Variants in TBKBP1 observed in about 807,000 individuals in gnomAD.
TBKBP1 encodes TBK1 binding protein 1.
Under a neutral mutation model 69.9 loss-of-function variants are expected in TBKBP1, and 47 were observed. The observed-to-expected ratio is 0.67, with a 90% CI of 0.53 to 0.86. TBKBP1 has a LOEUF of 0.86. TBKBP1 is among the 40% of genes least tolerant of loss of function. The pLI is 0.00. For synonymous variants in TBKBP1, 418 were observed against 390.3 expected (o/e 1.07, Z -0.84); for missense variants, 831 against 858.6 (o/e 0.97, Z 0.40).
rs756352574 is a variant in TBKBP1 at position 47,696,103 on chromosome 17, G to C, written c.-10G>C. On this transcript the variant is annotated 5_prime_UTR_variant, in exon 2 of 10. Transcript: ENST00000578982. Reference sequence around the variant, plus strand: ...GGAGGCCCCGTGTGGGCCGCGGCCCGGCCCTCACCATGGAGTCCATGTTCG... The same window carrying C: ...GGAGGCCCCGTGTGGGCCGCGGCCCCGCCCTCACCATGGAGTCCATGTTCG... 2 of 1,603,016 alleles carry C rather than the reference G, an allele frequency of 1.2e-6. No individual in the cohort carries two copies. Among genetic ancestry groups the C allele is most frequent in the Non-Finnish European group, 1.7e-6 (2 of 1,175,274 alleles).
At chr17:47,697,255 GCA>G in intron 4 of TBKBP1, 62 bp downstream of exon 4, 2 of 1,429,096 alleles carry the variant, frequency 1.4e-6, no homozygotes, top group South Asian at 2.4e-5. Context: ...GTGCATGTGT[GCA>G]TTTAGTTCTG....
chr17:47,702,176 C>T (rs757805084), intron 7 of TBKBP1, among the ~76,000 whole-genome samples: 1 of 152,210 alleles, frequency 6.6e-6, no homozygotes, highest in African/African-American at 2.4e-5. Flanking sequence ...AAGCCTCAGT[C>T]ACTTGCTTTC....
At chr17:47,697,030 C>T in intron 3 of TBKBP1, 59 bp from the exon 4 acceptor site, 1 of 1,553,874 alleles carries the variant, frequency 6.4e-7, no homozygotes. Flanking sequence ...AGGGAGCTCT[C>T]CAACTCCAAG....
intron 5 of TBKBP1, 27 bp downstream of exon 5, chr17:47,698,802 C>A (rs760236779): frequency 6.6e-7 from 1 of 1,511,166 alleles, no homozygotes; most frequent in Non-Finnish European, 8.9e-7. Flanking sequence ...CCCGACTTAC[C>A]TCCTAGTCCC....
chr17:47,696,821 G>C lies in TBKBP1; in HGVS notation c.336G>C (p.Gln112His), dbSNP rs761935317. The C allele has an allele frequency of 1.9e-6, 3 of 1,613,736 alleles. No homozygotes were observed. The highest frequency in any genetic ancestry group is 3.3e-5 in the Admixed American group (2 of 59,984). ...TCAGCCTGCAGCAACGGCTCAACCA[G>C]TTCCAGCATGAGGTGAGCCTACCAG... ...EKVSLQQRLN[Q>H]FQHELQKNKE... Residue 112 changes from glutamine to histidine, a missense_variant, in exon 3 of 10, where the codon CAG becomes CAC. Coordinates refer to ENST00000578982, the MANE Select transcript of TBKBP1 (RefSeq NM_001394755.1).
At chr17:47,696,048 G>GC in intron 1 of TBKBP1, 31 bp from the exon 2 acceptor site, 1 of 1,308,662 alleles carries the variant, frequency 7.6e-7, no homozygotes, top group Non-Finnish European at 1.1e-6. Context: ...TAGACAGACG[G>GC]CCCTGTCCAC....
intron 7 of TBKBP1, among the ~76,000 whole-genome samples, chr17:47,703,644 C>T (rs1408765510): frequency 2.6e-5 from 4 of 152,170 alleles, no homozygotes; most frequent in African/African-American, 9.7e-5. Context: ...GCCCATCTTC[C>T]CTCCTTAAAC....
chr17:47,708,503 C>G lies in TBKBP1; in HGVS notation c.982C>G (p.Arg328Gly). ...GAGGACTCTGTTGCAGGAACAGGCCCGGAGTGGCGGTGAGATGGGGCAGGG... is the reference window on the plus strand; with the variant it reads ...GAGGACTCTGTTGCAGGAACAGGCCGGGAGTGGCGGTGAGATGGGGCAGGG... ...ILRTLLQEQA[R>G]SGGQRHSPLS... The change falls in exon 8 of 10, where the codon CGG becomes GGG. Residue 328 changes from arginine (R) to glycine (G), a missense_variant. Coordinates refer to ENST00000578982, the MANE Select transcript of TBKBP1 (RefSeq NM_001394755.1). This position sits in a 1 kb window ranked among gnomAD's most constrained non-coding sequence, Gnocchi z 4.4. 6.2e-7 allele frequency: 1 copy of G among 1,613,744 alleles called. No individual in the cohort carries two copies. The highest frequency in any genetic ancestry group is 8.5e-7 in the Non-Finnish European group (1 of 1,179,786).
Position 47,708,579 on chromosome 17 carries a change from C to A in TBKBP1, c.991+67C>A. On this transcript the variant is annotated intron_variant, in intron 8 of 9. Coordinates refer to ENST00000578982, the MANE Select transcript of TBKBP1 (RefSeq NM_001394755.1). The surrounding 1 kb of genome is among the most constrained non-coding windows in gnomAD (Gnocchi z 4.4). ...GGAAGGAGCGGGTAGCCATGGCAACCATCTTGGTCATGGGGACCACCCTTT... is the reference window on the plus strand; with the variant it reads ...GGAAGGAGCGGGTAGCCATGGCAACAATCTTGGTCATGGGGACCACCCTTT... 1 of 1,558,352 alleles carries A rather than the reference C, an allele frequency of 6.4e-7. No individual in the cohort carries two copies. The highest frequency in any genetic ancestry group is 8.8e-7 in the Non-Finnish European group (1 of 1,137,634).
rs375276695 is a variant in TBKBP1 at position 47,696,783 on chromosome 17, G to A, written c.298G>A (p.Glu100Lys). ...TGAAATCAAGGATGGCTCCCTGCTG[G>A]AGGTGGAGAAGGTCAGCCTGCAGCA... ...LYEIKDGSLL[E>K]VEKVSLQQRL... Residue 100 changes from glutamate (E) to lysine (K), a missense_variant, in exon 3 of 10, where the codon GAG (glutamate) becomes AAG (lysine). Physicochemically the swap from Glu to Lys is moderately conservative, Grantham distance 56. Coordinates refer to ENST00000578982, the MANE Select transcript of TBKBP1 (RefSeq NM_001394755.1). 3.2e-5 allele frequency: 52 copies of A among 1,613,966 alleles called. No individual in the cohort carries two copies. The highest frequency in any genetic ancestry group is 4.3e-5 in the Non-Finnish European group (51 of 1,179,838).
intron 7 of TBKBP1, among the ~76,000 whole-genome samples, chr17:47,700,164 T>C (rs2031437209): frequency 6.6e-6 from 1 of 151,462 alleles, no homozygotes. Flanking sequence ...TTTTTTTTTG[T>C]ATTTTTAGTA....
intron 7 of TBKBP1, among the ~76,000 whole-genome samples, chr17:47,705,072 C>G (rs74331606): frequency 0.019 from 2,939 of 152,308 alleles, 78 homozygotes; most frequent in East Asian, 0.15. Context: ...CTATCACCCC[C>G]AGGGAAGGGG....
chr17:47,710,901 C>T lies in TBKBP1; in HGVS notation c.*275C>T, dbSNP rs1164458498. ...TGGGATGGGGACGGCATACCCCTCC[C>T]AGGCCTCTCCCTCTGCCTTTCTGTT... On this transcript the variant is annotated 3_prime_UTR_variant, in exon 10 of 10. Transcript: ENST00000578982. 2 of 349,152 alleles carry T rather than the reference C, an allele frequency of 5.7e-6. No individual in the cohort carries two copies. The highest frequency in any genetic ancestry group is 8.9e-5 in the Admixed American group (2 of 22,550). 21.6% of individuals were successfully genotyped at this position (349,152 alleles called of 1,614,324 possible). A position where few individuals can be genotyped will look rare whatever the true frequency, so the allele number is the denominator to read the frequency against.
chr17:47,709,421 C>CCGAGCA lies in TBKBP1; in HGVS notation c.1691_1696dup (p.Glu564_His565dup). The CCGAGCA allele has an allele frequency of 6.5e-7, 1 of 1,542,722 alleles. No homozygotes were observed. The highest frequency in any genetic ancestry group is 1.2e-5 in the South Asian group (1 of 84,364). On this transcript the variant is annotated inframe_insertion, in exon 9 of 10. Transcript: ENST00000578982. ...CCCGCCGCCACCGCCTACGCCCACG[C>CCGAGCA]CGAGCACGCGCAGTCCTGGCCGTCC... is the stretch of plus-strand genomic sequence containing the variant.
At chr17:47,710,322 G>A (rs1295635100) in intron 9 of TBKBP1, among the ~76,000 whole-genome samples, 176 bp from the exon 10 acceptor site, 1 of 152,156 alleles carries the variant, frequency 6.6e-6, no homozygotes. Context: ...CTGTCCCTGG[G>A]CAGGGGGGTG....
chr17:47,697,112 A>G lies in TBKBP1; in HGVS notation c.372A>G (p.Glu124=), dbSNP rs1299914978. 6 of 1,612,386 alleles carry G rather than the reference A, an allele frequency of 3.7e-6. No homozygotes were observed. In the African/African-American group the frequency reaches 8.0e-5, roughly 22 times the overall value. ...QHELQKNKEQ[E]EQLGEMIQAY... ...AGTTACAGAAGAACAAGGAGCAGGA[A>G]GAACAGCTTGGAGAGATGATCCAGG... Residue 124 remains glutamate (E), a synonymous_variant, in exon 4 of 10, where the codon GAA becomes GAG. Transcript: ENST00000578982.
Position 47,698,716 on chromosome 17 carries a change from C to T in TBKBP1, c.575C>T (p.Pro192Leu). Residue 192 changes from proline (P) to leucine (L), a missense_variant, in exon 5 of 10, where the codon CCC becomes CTC. By Grantham distance (98) the Pro-to-Leu change is moderately conservative. Coordinates refer to ENST00000578982, the MANE Select transcript of TBKBP1 (RefSeq NM_001394755.1). ...AGCCCACCGCCAGCCCCCGCCCCTCCCTGCACTGATTTAGACCTGCACTAC... is the reference window on the plus strand; with the variant it reads ...AGCCCACCGCCAGCCCCCGCCCCTCTCTGCACTGATTTAGACCTGCACTAC... ...NLSPPPAPAPPCTDLDLHYLA... is the reference protein window; with the variant it reads ...NLSPPPAPAPLCTDLDLHYLA... The T allele has an allele frequency of 6.2e-7, 1 of 1,608,112 alleles. No individual in the cohort carries two copies. Among genetic ancestry groups the T allele is most frequent in the Non-Finnish European group, 8.5e-7 (1 of 1,177,302 alleles).
rs893246506 is a variant in TBKBP1 at position 47,696,080 on chromosome 17, A to G, written c.-33A>G. On this transcript the variant is annotated splice_region_variant and 5_prime_UTR_variant, in exon 2 of 10. Transcript: ENST00000578982. ...CCACGGTTGCTCCTGCTCTCCTAGG[A>G]GGCCCCGTGTGGGCCGCGGCCCGGC... 1 of 1,556,550 alleles carries G rather than the reference A, an allele frequency of 6.4e-7. No individual in the cohort carries two copies. The highest frequency in any genetic ancestry group is 8.7e-7 in the Non-Finnish European group (1 of 1,146,142).
intron 7 of TBKBP1, among the ~76,000 whole-genome samples, chr17:47,702,592 A>G (rs2031547684): frequency 6.6e-6 from 1 of 151,158 alleles, no homozygotes; most frequent in Non-Finnish European, 1.5e-5. Flanking sequence ...CCCCTGGCCC[A>G]CAAGTTCTGG....
Sources: allele counts gnomAD v4.1 joint callset (sites outside exome capture counted in the v4.1 genomes callset), GRCh38; gene constraint gnomAD v4.1.1; non-coding constraint Gnocchi (gnomAD v3.1); transcripts MANE v1.5; gene names NCBI Gene and HGNC (gene_info 2026-07-23, HGNC 2026-07-21).